The following BCAS3 variants were observed in gnomAD, a reference collection of about 807,000 sequenced individuals.
The protein encoded by BCAS3 is BCAS3 microtubule associated cell migration factor, also known as BCAS4/BCAS3 fusion.
A neutral mutation model predicts 116.1 loss-of-function variants in BCAS3; 53 were observed. That is an observed-to-expected ratio of 0.46 (90% CI 0.37 to 0.57). The LOEUF is 0.57. BCAS3 is among the 20% of genes least tolerant of loss of function. The pLI, the probability that BCAS3 is intolerant of heterozygous loss-of-function variation, is 0.00. For missense variants in BCAS3, 917 were observed against 1,165.4 expected, an observed-to-expected ratio of 0.79 and a Z score of 3.10; for synonymous variants, 391 against 408.2, an observed-to-expected ratio of 0.96 and a Z score of 0.51.
chr17:60,805,581 A>G (rs111970012), intron 6 of BCAS3, among the ~76,000 whole-genome samples: 5 of 152,270 alleles, frequency 3.3e-5, no homozygotes, highest in African/African-American at 1.2e-4. Context: ...TAATCCCAGC[A>G]CTTTGGGAGG....
intron 6 of BCAS3, among the ~76,000 whole-genome samples, chr17:60,767,862 G>T (rs902704008): frequency 6.6e-6 from 1 of 152,056 alleles, no homozygotes; most frequent in Non-Finnish European, 1.5e-5. Flanking sequence ...GTTCAGTGGC[G>T]TGATCATGGC....
intron 7 of BCAS3, among the ~76,000 whole-genome samples, chr17:60,857,849 A>G (rs1354336037): frequency 6.6e-6 from 1 of 152,214 alleles, no homozygotes; most frequent in Non-Finnish European, 1.5e-5. Context: ...TCATATATAA[A>G]TAGTTTATGG....
At position 61,339,065 on chromosome 17, in the gene BCAS3, C is replaced by T. The variant is rs141576414; in HGVS notation, c.2426-29262C>T. On this transcript the variant is annotated intron_variant, in intron 22 of 23. Coordinates refer to ENST00000407086, the MANE Select transcript of BCAS3 (RefSeq NM_017679.5). The surrounding 1 kb of genome is among the most constrained non-coding windows in gnomAD (Gnocchi z 4.4). ...AAAATTCACAAAGACCCATCTGCCTCTCCCATTTTCTCATGTTCTTTTGGA... is the reference window on the plus strand; with the variant it reads ...AAAATTCACAAAGACCCATCTGCCTTTCCCATTTTCTCATGTTCTTTTGGA... Among the ~76,000 whole-genome samples, 57 of 152,138 alleles carry T rather than the reference C, an allele frequency of 3.7e-4. No individual in the cohort carries two copies. The highest frequency in any genetic ancestry group is 7.9e-4 in the Non-Finnish European group (54 of 67,998).
At chr17:61,079,804 C>T (rs1414803626) in intron 21 of BCAS3, among the ~76,000 whole-genome samples, 1 of 151,616 alleles carries the variant, frequency 6.6e-6, no homozygotes, top group African/African-American at 2.4e-5. Flanking sequence ...ACATTTTGGC[C>T]AGGCTGGTCT....
chr17:61,100,599 A>G (rs547452090), intron 22 of BCAS3, among the ~76,000 whole-genome samples: 31 of 152,294 alleles, frequency 2.0e-4, no homozygotes, highest in Middle Eastern at 6.8e-3. Context: ...CTATGAGCTC[A>G]TCTTTGTACT....
intron 8 of BCAS3, among the ~76,000 whole-genome samples, chr17:60,871,415 T>C (rs1224292922): frequency 6.6e-6 from 1 of 152,154 alleles, no homozygotes; most frequent in Non-Finnish European, 1.5e-5. Flanking sequence ...GTGGTCCTCC[T>C]GCCTTGGGCT....
At chr17:61,184,671 G>C (rs1455131676) in intron 22 of BCAS3, among the ~76,000 whole-genome samples, 1 of 152,118 alleles carries the variant, frequency 6.6e-6, no homozygotes, top group Admixed American at 6.5e-5. Context: ...GTTCATTGCA[G>C]CTTCATTCGC....
chr17:61,061,738 G>T (rs1004334791), intron 19 of BCAS3, among the ~76,000 whole-genome samples: 1 of 152,126 alleles, frequency 6.6e-6, no homozygotes, highest in African/African-American at 2.4e-5. Context: ...TTCAGGTTTG[G>T]CTGTGAGAAT....
At chr17:61,016,063 C>T (rs1185540218) in intron 16 of BCAS3, among the ~76,000 whole-genome samples, 162 bp downstream of exon 16, 1 of 152,186 alleles carries the variant, frequency 6.6e-6, no homozygotes, top group Non-Finnish European at 1.5e-5. Context: ...AGAACTTGCA[C>T]AAGCATACTT....
chr17:61,322,830 C>CAGAGAGAGAGAGAGAG (rs1237128472), intron 22 of BCAS3, among the ~76,000 whole-genome samples: 1 of 75,434 alleles, frequency 1.3e-5, no homozygotes, highest in Non-Finnish European at 2.8e-5. Flanking sequence ...GAGAGAGAGA[C>CAGAGAGAGAGAGAGAG]AGAGAGAGAG....
At chr17:60,818,744 C>T (rs1206664202) in intron 7 of BCAS3, among the ~76,000 whole-genome samples, 1 of 152,152 alleles carries the variant, frequency 6.6e-6, no homozygotes, top group Non-Finnish European at 1.5e-5. Flanking sequence ...TTCAGGCTTT[C>T]TGTGGGTACC....
chr17:60,906,775 T>C (rs1370793203), intron 11 of BCAS3, among the ~76,000 whole-genome samples: 1 of 152,212 alleles, frequency 6.6e-6, no homozygotes, highest in Non-Finnish European at 1.5e-5. Context: ...ACATATTTTC[T>C]TATTTATTTT....
chr17:60,767,125 A>G (rs2044184316), intron 6 of BCAS3, among the ~76,000 whole-genome samples: 1 of 152,132 alleles, frequency 6.6e-6, no homozygotes, highest in South Asian at 2.1e-4. Context: ...TTGGCTAGGA[A>G]AAATCCCCCG....
At position 61,161,708 on chromosome 17, in the gene BCAS3, G is replaced by A. The variant is rs2078176943; in HGVS notation, c.2425+77144G>A. Among the ~76,000 whole-genome samples the A allele has an allele frequency of 6.6e-6, 1 of 152,106 alleles. No individual in the cohort carries two copies. Among genetic ancestry groups the A allele is most frequent in the Non-Finnish European group, 1.5e-5 (1 of 68,016 alleles). ...GGTTGCTGGTGGAGGGGAGTAGCCAGCGCCCCTCCCCTCAGCACACATACC... is the reference window on the plus strand; with the variant it reads ...GGTTGCTGGTGGAGGGGAGTAGCCAACGCCCCTCCCCTCAGCACACATACC... On this transcript the variant is annotated intron_variant, in intron 22 of 23. Transcript: ENST00000407086. This position sits in a 1 kb window ranked among gnomAD's most constrained non-coding sequence, Gnocchi z 4.8.
At chr17:61,298,356 TCCCCCCAGG>T (rs2053126181) in intron 22 of BCAS3, among the ~76,000 whole-genome samples, 1 of 151,606 alleles carries the variant, frequency 6.6e-6, no homozygotes, top group African/African-American at 2.4e-5. Flanking sequence ...AAATCAGCTG[TCCCCCCAGG>T]CCCCTCCCCA....
At chr17:61,002,063 G>T (rs906159669) in intron 15 of BCAS3, among the ~76,000 whole-genome samples, 1 of 152,048 alleles carries the variant, frequency 6.6e-6, no homozygotes, top group East Asian at 1.9e-4. Context: ...TGAGAGAAAG[G>T]TATAGATAAC....
intron 22 of BCAS3, among the ~76,000 whole-genome samples, chr17:61,319,742 A>C (rs898655823): frequency 2.6e-5 from 4 of 152,036 alleles, no homozygotes; most frequent in African/African-American, 9.7e-5. Context: ...TTTAGCCTTT[A>C]GTCAGACTCA....
At chr17:60,864,586 A>G (rs1007565899) in intron 7 of BCAS3, among the ~76,000 whole-genome samples, 1 of 152,176 alleles carries the variant, frequency 6.6e-6, no homozygotes, top group Non-Finnish European at 1.5e-5. Flanking sequence ...AACCACTAAA[A>G]CTTTCTCCAT....
chr17:60,857,625 C>A (rs1238210562), intron 7 of BCAS3, among the ~76,000 whole-genome samples: 1 of 152,072 alleles, frequency 6.6e-6, no homozygotes, highest in Non-Finnish European at 1.5e-5. Context: ...ATCAGCCTGC[C>A]CATGAGGAAA....
Sources: gnomAD v4.1 joint callset for allele counts (sites outside exome capture counted in the v4.1 genomes callset) on GRCh38, gnomAD v4.1.1 for gene constraint, Gnocchi (gnomAD v3.1) non-coding constraint, MANE v1.5 for transcripts, NCBI Gene and HGNC (gene_info 2026-07-23, HGNC 2026-07-21) for gene names.